DMD: variants seen among roughly 807,000 people sequenced by gnomAD.
The protein encoded by DMD is mutant dystrophin.
DMD carries 63 observed loss-of-function variants against 330.1 expected under a neutral mutation model. The ratio of observed to expected loss-of-function variants is 0.19; its 90% CI spans 0.16 to 0.24. The LOEUF (loss-of-function observed/expected upper bound fraction) is 0.24, where lower values mean the gene tolerates loss of function less well. Among genes scored for constraint, DMD ranks in the 10% least tolerant of loss-of-function variants. DMD has a pLI of 1.00. For missense variants in DMD, 3,344 were observed against 2,684.1 expected, an observed-to-expected ratio of 1.25 and a Z score of -5.43; for synonymous variants, 1,223 against 959.8, an observed-to-expected ratio of 1.27 and a Z score of -5.07.
chrX:33,003,538 ATG>A (rs2093333213), intron 2 of DMD, among the ~76,000 whole-genome samples: 1 of 112,095 alleles, frequency 8.9e-6, no homozygotes, highest in South Asian at 3.6e-4. Flanking sequence ...TATTCATATA[ATG>A]TAACTGTTTA....
intron 2 of DMD, among the ~76,000 whole-genome samples, chrX:32,925,142 T>TG (rs2088850209): frequency 1.1e-5 from 1 of 87,945 alleles, no homozygotes; most frequent in Non-Finnish European, 2.2e-5. Flanking sequence ...TCAAAAACTC[T>TG]GGGTTTTTTT....
chrX:33,114,107 T>C (rs935833290), intron 1 of DMD, among the ~76,000 whole-genome samples: 5 of 106,276 alleles, frequency 4.7e-5, no homozygotes, highest in Non-Finnish European at 7.7e-5. Flanking sequence ...GGCAATATTA[T>C]TATTATTTTT....
intron 44 of DMD, among the ~76,000 whole-genome samples, chrX:32,156,631 TACACACACACACACACACAC>T (rs747490085): frequency 4.3e-5 from 4 of 94,053 alleles, no homozygotes; most frequent in African/African-American, 7.8e-5. Flanking sequence ...GACAAAAGGA[TACACACACACACACACACAC>T]ACACACACAC....
chrX:32,748,349 AAAAAAAAAAAG>A (rs1247377588), intron 7 of DMD, among the ~76,000 whole-genome samples: 2 of 108,994 alleles, frequency 1.8e-5, no homozygotes, highest in African/African-American at 6.7e-5. Flanking sequence ...CCGTCTCAAA[AAAAAAAAAAAG>A]AAAAGAAAAG....
intron 60 of DMD, among the ~76,000 whole-genome samples, chrX:31,391,155 A>C (rs746138564): frequency 5.4e-5 from 6 of 110,750 alleles, no homozygotes; most frequent in African/African-American, 6.6e-5. Context: ...TTTTTATTTT[A>C]TTTTTATTTT....
intron 2 of DMD, among the ~76,000 whole-genome samples, chrX:33,009,409 T>A (rs1374542890): frequency 2.1e-5 from 2 of 93,112 alleles, no homozygotes; most frequent in Non-Finnish European, 4.3e-5. Context: ...TATATGTGTA[T>A]ATACACATGT....
intron 60 of DMD, among the ~76,000 whole-genome samples, chrX:31,381,420 C>T (rs1230169046): frequency 1.8e-5 from 2 of 111,286 alleles, no homozygotes; most frequent in South Asian, 3.8e-4. Context: ...GCTCAACTCA[C>T]TCTCTACAGT....
At chrX:31,942,012 G>A (rs1475358718) in intron 45 of DMD, among the ~76,000 whole-genome samples, 1 of 111,684 alleles carries the variant, frequency 9.0e-6, no homozygotes, top group Non-Finnish European at 1.9e-5. Context: ...TGTCTCTTTG[G>A]TAGAAAGATT....
chrX:32,091,738 A>T (rs1408145820), intron 44 of DMD, among the ~76,000 whole-genome samples: 1 of 111,970 alleles, frequency 8.9e-6, no homozygotes, highest in Non-Finnish European at 1.9e-5. Context: ...GACATACACT[A>T]GAATTTTTAA....
rs2065340995 is a variant in DMD at position 32,713,078 on chromosome X, T to C, written c.650-13785A>G. Among the ~76,000 whole-genome samples, 3 of 111,960 alleles carry C rather than the reference T, an allele frequency of 2.7e-5. No individual in the cohort carries two copies. In the Admixed American group the frequency reaches 2.9e-4, roughly 11 times the overall value. On this transcript the variant is annotated intron_variant, in intron 7 of 78. Transcript: ENST00000357033. The stretch of plus-strand genomic sequence containing the variant: ...TGTCAAAATATCTATTCCACACCAT[T>C]AAATTATTTCTCTATCATGTCATAC...
chrX:32,405,265 GA>G (rs2098111331), intron 30 of DMD, among the ~76,000 whole-genome samples: 1 of 111,499 alleles, frequency 9.0e-6, no homozygotes, highest in South Asian at 3.7e-4. Context: ...GTTGCTATAG[GA>G]TTTTAGGTGC....
chrX:33,250,921 G>T (rs955592139), intron 1 of DMD, among the ~76,000 whole-genome samples: 7 of 110,948 alleles, frequency 6.3e-5, no homozygotes, highest in Admixed American at 1.9e-4. Flanking sequence ...CCAGATAAAA[G>T]ATGCATAGAT....
At chrX:33,190,873 A>ATATATAATATATAATATTATATAT in intron 1 of DMD, among the ~76,000 whole-genome samples, 1 of 1,051 alleles carries the variant, frequency 9.5e-4, no homozygotes, top group Admixed American at 0.02. Flanking sequence ...TTATATATAT[A>ATATATAATATATAATATTATATAT]TATATAATAT....
At chrX:31,457,578 C>A (rs1440044292) in intron 59 of DMD, among the ~76,000 whole-genome samples, 1 of 111,614 alleles carries the variant, frequency 9.0e-6, no homozygotes, top group Non-Finnish European at 1.9e-5. Flanking sequence ...CAAGAAAATG[C>A]AGGACAAAGT....
intron 2 of DMD, among the ~76,000 whole-genome samples, chrX:32,924,175 G>A (rs1299151628): frequency 1.8e-5 from 2 of 111,508 alleles, no homozygotes; most frequent in East Asian, 5.6e-4. Context: ...GATTCAAAAT[G>A]TTTCCATAAG....
At chrX:31,393,600 C>G (rs775557499) in intron 60 of DMD, among the ~76,000 whole-genome samples, 7 of 110,601 alleles carry the variant, frequency 6.3e-5, no homozygotes, top group South Asian at 7.7e-4. Flanking sequence ...ATCATCATAT[C>G]AACAACTAGA....
At chrX:32,682,194 T>C (rs908748187) in intron 9 of DMD, among the ~76,000 whole-genome samples, 5 of 111,988 alleles carry the variant, frequency 4.5e-5, no homozygotes, top group South Asian at 3.8e-4. Context: ...AGGGCAATAA[T>C]ATGGCCATAT....
chrX:31,448,605 G>T (rs768687278), intron 59 of DMD, among the ~76,000 whole-genome samples: 5 of 112,323 alleles, frequency 4.5e-5, no homozygotes, highest in Non-Finnish European at 9.4e-5. Context: ...CACAGTTAAC[G>T]CTGAGCAATA....
At chrX:32,656,013 G>T (rs756895238) in intron 9 of DMD, among the ~76,000 whole-genome samples, 3 of 110,783 alleles carry the variant, frequency 2.7e-5, no homozygotes, top group Admixed American at 1.9e-4. Flanking sequence ...TAAAAAAATG[G>T]CTCTGGCAAA....
Sources: allele counts gnomAD v4.1 joint callset (sites outside exome capture counted in the v4.1 genomes callset), GRCh38; gene constraint gnomAD v4.1.1; transcripts MANE v1.5; gene names NCBI Gene and HGNC (gene_info 2026-07-23, HGNC 2026-07-21).